Variants in TENM2 observed in about 807,000 individuals in gnomAD.
The protein encoded by TENM2 is teneurin transmembrane protein 2.
In TENM2, 52 loss-of-function variants were observed where a neutral mutation model predicts 245.2. That is an observed-to-expected ratio of 0.21 (90% CI 0.17 to 0.27). The LOEUF is 0.27. Ranked by LOEUF, TENM2 falls within the 10% of genes least tolerant of loss-of-function variation. TENM2 has a pLI of 1.00. For synonymous variants in TENM2, 1,363 were observed against 1,438.9 expected, an observed-to-expected ratio of 0.95 and a Z score of 1.19; for missense variants, 3,046 against 3,666.8, an observed-to-expected ratio of 0.83 and a Z score of 4.37.
Position 167,639,320 on chromosome 5 carries a change from A to T in TENM2, c.503-236666A>T, listed in dbSNP as rs2125575. ...GTCAAAATTTTTGGAATAGGATTTT[A>T]TGTGTGTGTATGCTCATTTCTTATA... On this transcript the variant is annotated intron_variant, in intron 2 of 28. Transcript: ENST00000518659. Among the ~76,000 whole-genome samples, 593 of 152,300 alleles carry T rather than the reference A, an allele frequency of 3.9e-3. 3 individuals are homozygous for T. The highest frequency in any genetic ancestry group is 0.013 in the African/African-American group (529 of 41,578).
At chr5:167,828,310 C>T (rs1223343573) in intron 2 of TENM2, among the ~76,000 whole-genome samples, 1 of 152,150 alleles carries the variant, frequency 6.6e-6, no homozygotes, top group East Asian at 1.9e-4. Flanking sequence ...CGATGCTGTC[C>T]CTGACCCCTT....
intron 4 of TENM2, among the ~76,000 whole-genome samples, chr5:167,989,217 A>G (rs1413854659): frequency 6.6e-6 from 1 of 152,022 alleles, no homozygotes; most frequent in Non-Finnish European, 1.5e-5. Context: ...CATGGGAGAA[A>G]TAAGATTCTA....
At chr5:167,101,835 T>TTATATATATATACATATATATA in the TENM2 span, among the ~76,000 whole-genome samples, 1 of 50,854 alleles carries the variant, frequency 2.0e-5, no homozygotes, top group South Asian at 1.1e-3. Context: ...CTCTTGACAT[T>TTATATATATATACATATATATA]TATATATATA....
At chr5:167,236,898 A>C in the TENM2 span, among the ~76,000 whole-genome samples, 1 of 142,244 alleles carries the variant, frequency 7.0e-6, no homozygotes, top group Non-Finnish European at 1.5e-5. Flanking sequence ...TTTTTTTTTC[A>C]ATCTGAAAAC....
At chr5:167,754,019 A>G (rs1582918033) in intron 2 of TENM2, among the ~76,000 whole-genome samples, 1 of 151,520 alleles carries the variant, frequency 6.6e-6, no homozygotes, top group Middle Eastern at 3.4e-3. Context: ...GGTAGAATTT[A>G]CTTTGTCTGC....
At chr5:167,993,503 T>A (rs146033114) in intron 5 of TENM2, among the ~76,000 whole-genome samples, 367 of 152,376 alleles carry the variant, frequency 2.4e-3, no homozygotes, top group Non-Finnish European at 3.5e-3. Context: ...CTTCTAGTTT[T>A]CTCCATCCTT....
At chr5:167,504,046 T>G (rs1310703949) in intron 2 of TENM2, among the ~76,000 whole-genome samples, 1 of 152,194 alleles carries the variant, frequency 6.6e-6, no homozygotes, top group African/African-American at 2.4e-5. Flanking sequence ...CATTTTACAT[T>G]TTTTTAAGCA....
chr5:167,001,630 G>A, the TENM2 span, among the ~76,000 whole-genome samples: 2 of 151,682 alleles, frequency 1.3e-5, no homozygotes, highest in Non-Finnish European at 2.9e-5. Context: ...ATTTAATCAA[G>A]TTTTAGGCTT....
intron 2 of TENM2, among the ~76,000 whole-genome samples, chr5:167,778,313 G>T (rs902465024): frequency 3.3e-5 from 5 of 152,166 alleles, no homozygotes; most frequent in Admixed American, 3.3e-4. Context: ...AAAAAGTTTG[G>T]CCAAGTAGGG....
chr5:167,399,363 C>T (rs1422152181), intron 2 of TENM2, among the ~76,000 whole-genome samples: 2 of 152,132 alleles, frequency 1.3e-5, no homozygotes, highest in Non-Finnish European at 2.9e-5. Context: ...TGCAAGAAGC[C>T]CAACTGCAGG....
intron 2 of TENM2, among the ~76,000 whole-genome samples, chr5:167,537,642 C>G (rs1306592808): frequency 6.6e-6 from 1 of 152,222 alleles, no homozygotes; most frequent in Non-Finnish European, 1.5e-5. Context: ...ACCTCTGATG[C>G]TGACTGTGAA....
intron 2 of TENM2, among the ~76,000 whole-genome samples, chr5:167,856,877 G>A (rs927007652): frequency 3.3e-5 from 5 of 152,200 alleles, no homozygotes; most frequent in South Asian, 2.1e-4. Context: ...TTGCAAGGGT[G>A]CTGATTCTGA....
chr5:167,809,790 G>A lies in TENM2; in HGVS notation c.503-66196G>A, dbSNP rs78709134. Among the ~76,000 whole-genome samples the A allele has an allele frequency of 5.7e-4, 87 of 152,130 alleles. No homozygotes were observed. The East Asian group carries it at 0.016, about 28-fold the overall frequency. ...ATTCTGAATCAGCCCATTGAAATGCGATCTTTATATGTAGTTTGGGGAATT... is the reference window on the plus strand; with the variant it reads ...ATTCTGAATCAGCCCATTGAAATGCAATCTTTATATGTAGTTTGGGGAATT... On this transcript the variant is annotated intron_variant, in intron 2 of 28. Coordinates refer to ENST00000518659, the Ensembl canonical transcript of TENM2.
chr5:167,688,269 A>G (rs1043921278), intron 2 of TENM2, among the ~76,000 whole-genome samples: 3 of 152,088 alleles, frequency 2.0e-5, no homozygotes, highest in African/African-American at 2.4e-5. Flanking sequence ...CTATTGCTTT[A>G]TAGTCTTTTT....
intron 2 of TENM2, among the ~76,000 whole-genome samples, chr5:167,488,587 C>T (rs1194509735): frequency 1.3e-5 from 2 of 152,080 alleles, no homozygotes; most frequent in African/African-American, 4.8e-5. Context: ...TTGTCTTTGA[C>T]CTCTTAGTGC....
intron 1 of TENM2, among the ~76,000 whole-genome samples, chr5:167,345,883 A>G (rs1280935442): frequency 6.7e-6 from 1 of 149,718 alleles, no homozygotes; most frequent in Non-Finnish European, 1.5e-5. Context: ...CAACAGAGTA[A>G]CATACAGCCA....
At chr5:168,039,829 T>C (rs1046466838) in intron 5 of TENM2, among the ~76,000 whole-genome samples, 1 of 151,602 alleles carries the variant, frequency 6.6e-6, no homozygotes, top group African/African-American at 2.4e-5. Flanking sequence ...GCACACCAGA[T>C]GCCACACACT....
the TENM2 span, among the ~76,000 whole-genome samples, chr5:167,264,794 C>G: frequency 6.6e-6 from 1 of 152,076 alleles, no homozygotes; most frequent in Non-Finnish European, 1.5e-5. Flanking sequence ...TTACACACTT[C>G]GGGCATTTAA....
At chr5:168,167,158 C>T (rs969292413) in intron 13 of TENM2, among the ~76,000 whole-genome samples, 20 of 152,082 alleles carry the variant, frequency 1.3e-4, no homozygotes, top group Admixed American at 1.2e-3. Flanking sequence ...AGACAAATAC[C>T]AGCTCATTAA....
Sources: allele counts gnomAD v4.1 joint callset (sites outside exome capture counted in the v4.1 genomes callset), GRCh38; gene constraint gnomAD v4.1.1; transcripts MANE v1.5; gene names NCBI Gene and HGNC (gene_info 2026-07-23, HGNC 2026-07-21).